The following MAB21L3 variants were observed in gnomAD, a reference collection of about 807,000 sequenced individuals.
MAB21L3 encodes protein mab-21-like 3.
In MAB21L3, 36 loss-of-function variants were observed where a neutral mutation model predicts 37.7. That is an observed-to-expected ratio of 0.96 (90% CI 0.73 to 1.26). The LOEUF (loss-of-function observed/expected upper bound fraction) is 1.26, where lower values mean the gene tolerates loss of function less well. Ranked by LOEUF, MAB21L3 falls within the 50% of genes most tolerant of loss-of-function variation. The pLI, the probability that MAB21L3 is intolerant of heterozygous loss-of-function variation, is 0.00. For missense variants in MAB21L3, 430 were observed against 447.3 expected (o/e 0.96, Z 0.35); for synonymous variants, 186 against 176.8 (o/e 1.05, Z -0.41).
intron 5 of MAB21L3, among the ~76,000 whole-genome samples, chr1:116,126,300 T>C (rs1161835700): frequency 1.3e-5 from 2 of 152,092 alleles, no homozygotes; most frequent in African/African-American, 4.8e-5. Flanking sequence ...AAGGAGCAAA[T>C]TGGAAATGAG....
intron 1 of MAB21L3, among the ~76,000 whole-genome samples, 43 bp from the exon 2 acceptor site, chr1:116,111,586 A>G (rs1316954481): frequency 6.6e-6 from 1 of 151,250 alleles, no homozygotes; most frequent in Non-Finnish European, 1.5e-5. Flanking sequence ...TACCAGCTTC[A>G]AGGAGATCAG....
chr1:116,128,516 T>C (rs113171862), intron 7 of MAB21L3, among the ~76,000 whole-genome samples, 177 bp downstream of exon 7: 27 of 152,266 alleles, frequency 1.8e-4, no homozygotes, highest in African/African-American at 6.3e-4. Flanking sequence ...ATTATGGAAA[T>C]ATGTAAACTA....
intron 3 of MAB21L3, among the ~76,000 whole-genome samples, chr1:116,119,316 G>A (rs1280623544): frequency 6.6e-6 from 1 of 152,158 alleles, no homozygotes; most frequent in African/African-American, 2.4e-5. Context: ...GACCCTATAT[G>A]TGATATACAA....
chr1:116,123,992 G>C (rs1353487517), intron 4 of MAB21L3, 74 bp from the exon 5 acceptor site: 1 of 1,484,122 alleles, frequency 6.7e-7, no homozygotes, highest in African/African-American at 1.4e-5. Context: ...GACGAGACAG[G>C]TTGGTTCCCA....
chr1:116,113,645 G>A (rs1659491238), intron 3 of MAB21L3, among the ~76,000 whole-genome samples: 1 of 152,198 alleles, frequency 6.6e-6, no homozygotes. Context: ...AATCCAGTGT[G>A]TGCTCATGTT....
intron 7 of MAB21L3, among the ~76,000 whole-genome samples, chr1:116,132,296 CAAGGAGTAA>C (rs1180457443): frequency 6.6e-6 from 1 of 152,002 alleles, no homozygotes. Flanking sequence ...AAAGGCAGGC[CAAGGAGTAA>C]AAGCCTGCCA....
At position 116,133,279 on chromosome 1, in the gene MAB21L3, T is replaced by C; in HGVS notation, c.1003T>C (p.Phe335Leu). 1 of 1,614,202 alleles carries C rather than the reference T, an allele frequency of 6.2e-7. No individual in the cohort carries two copies. Among genetic ancestry groups the C allele is most frequent in the African/African-American group, 1.3e-5 (1 of 75,052 alleles). Residue 335 changes from phenylalanine (F) to leucine (L), a missense_variant, in exon 8 of 8, where the codon TTT becomes CTT. Transcript: ENST00000369500. Reference protein sequence around the residue: ...KHYFVRNSNLFQCTNPTELDT... With the variant: ...KHYFVRNSNLLQCTNPTELDT... ...CTATTTCGTCCGGAACAGCAACCTC[T>C]TTCAGTGCACCAACCCGACTGAACT...
At position 116,124,221 on chromosome 1, in the gene MAB21L3, G is replaced by A; in HGVS notation, c.345G>A (p.Glu115=). The A allele has an allele frequency of 6.2e-7, 1 of 1,614,226 alleles. No individual in the cohort carries two copies. Among genetic ancestry groups the A allele is most frequent in the Non-Finnish European group, 8.5e-7 (1 of 1,180,036 alleles). ...CTGAGGGTCTGCAGCAGTGGCTGGAGGTGGAACAGTTTATGAAGAGCCTGT... is the reference window on the plus strand; with the variant it reads ...CTGAGGGTCTGCAGCAGTGGCTGGAAGTGGAACAGTTTATGAAGAGCCTGT... ...RDPEGLQQWL[E]VEQFMKSLWQ... The change falls in exon 5 of 8, where the codon GAG becomes GAA. Residue 115 remains glutamate, a synonymous_variant. Coordinates refer to ENST00000369500, the MANE Select transcript of MAB21L3 (RefSeq NM_152367.3).
chr1:116,131,699 A>C (rs1217716061), intron 7 of MAB21L3, among the ~76,000 whole-genome samples: 1 of 152,120 alleles, frequency 6.6e-6, no homozygotes, highest in Non-Finnish European at 1.5e-5. Flanking sequence ...TATTTTTAGT[A>C]GAGATGGGGT....
intron 3 of MAB21L3, among the ~76,000 whole-genome samples, chr1:116,115,016 G>A (rs558217147): frequency 2.6e-5 from 4 of 152,334 alleles, no homozygotes; most frequent in Non-Finnish European, 4.4e-5. Flanking sequence ...GAACAGGGCA[G>A]TGGTTACAAA....
chr1:116,116,668 A>T (rs1431139490), intron 3 of MAB21L3, among the ~76,000 whole-genome samples: 1 of 152,178 alleles, frequency 6.6e-6, no homozygotes. Context: ...ATGTTAGGAA[A>T]GCTGCCTTGT....
chr1:116,122,067 C>T (rs1659766596), intron 4 of MAB21L3, among the ~76,000 whole-genome samples: 1 of 152,128 alleles, frequency 6.6e-6, no homozygotes, highest in South Asian at 2.1e-4. Flanking sequence ...TGGTATGTGG[C>T]ACATGGTAGA....
At chr1:116,130,281 C>T (rs1660035299) in intron 7 of MAB21L3, among the ~76,000 whole-genome samples, 1 of 152,220 alleles carries the variant, frequency 6.6e-6, no homozygotes, top group African/African-American at 2.4e-5. Context: ...TCCTAAGTCA[C>T]CTGGTGGATT....
rs12567623 is a variant in MAB21L3, at chr1:116,138,121, G to T, written c.*4756G>T. Among the ~76,000 whole-genome samples, 1 of 150,930 alleles carries T rather than the reference G, an allele frequency of 6.6e-6. No homozygotes were observed. The highest frequency in any genetic ancestry group is 1.5e-5 in the Non-Finnish European group (1 of 67,664). On this transcript the variant is annotated 3_prime_UTR_variant, in exon 8 of 8. Coordinates refer to ENST00000369500, the MANE Select transcript of MAB21L3 (RefSeq NM_152367.3). Reference sequence around the variant, plus strand: ...ACATGTACCCTAAAACTTAAAGTATGATTAAAAAAAAAAAGTACTGTAACC... The same window carrying T: ...ACATGTACCCTAAAACTTAAAGTATTATTAAAAAAAAAAAGTACTGTAACC...
chr1:116,123,210 G>C (rs927229566), intron 4 of MAB21L3, among the ~76,000 whole-genome samples: 1 of 152,162 alleles, frequency 6.6e-6, no homozygotes, highest in East Asian at 1.9e-4. Flanking sequence ...CTCGGCTGCC[G>C]GTCTGCCTGC....
Position 116,121,036 on chromosome 1 carries a change from T to G in MAB21L3, c.153T>G (p.Ala51=). 1 of 1,614,158 alleles carries G rather than the reference T, an allele frequency of 6.2e-7. No homozygotes were observed. The highest frequency in any genetic ancestry group is 8.5e-7 in the Non-Finnish European group (1 of 1,179,988). The change falls in exon 4 of 8, where the codon GCT becomes GCG. Residue 51 remains alanine (A), a synonymous_variant. Transcript: ENST00000369500. ...GCAACCAAGACATTAGATTTCAAGC[T>G]GTGCCTTACTCTGACACGTACAATG... is the stretch of plus-strand genomic sequence containing the variant. ...NISNQDIRFQ[A]VPYSDTYNEN...
At chr1:116,127,394 A>C (rs1659937936) in intron 5 of MAB21L3, 72 bp from the exon 6 acceptor site, 2 of 1,497,262 alleles carry the variant, frequency 1.3e-6, no homozygotes, top group Admixed American at 1.9e-5. Flanking sequence ...ACTGCTCACA[A>C]ATTTCTTGTT....
At position 116,112,484 on chromosome 1, in the gene MAB21L3, C is replaced by A; in HGVS notation, c.-132C>A. 1 of 721,738 alleles carries A rather than the reference C, an allele frequency of 1.4e-6. No homozygotes were observed. The highest frequency in any genetic ancestry group is 2.4e-6 in the Non-Finnish European group (1 of 425,494). The allele number at this position is 721,738 out of a possible 1,614,324, so 44.7% of individuals were successfully genotyped here. A position where few individuals can be genotyped will look rare whatever the true frequency, so the allele number is the denominator to read the frequency against. On this transcript the variant is annotated 5_prime_UTR_variant, in exon 3 of 8. Coordinates refer to ENST00000369500, the MANE Select transcript of MAB21L3 (RefSeq NM_152367.3). Reference sequence around the variant, plus strand: ...GAAGGCAAGTCTCTGGTCCATTACACACTTCCAGAAAAACTTAGTACCCAG... The same window carrying A: ...GAAGGCAAGTCTCTGGTCCATTACAAACTTCCAGAAAAACTTAGTACCCAG...
chr1:116,112,677 C>G lies in MAB21L3; in HGVS notation c.48+14C>G, dbSNP rs571012331. On this transcript the variant is annotated intron_variant, in intron 3 of 7. Transcript: ENST00000369500. ...CTACTGAATAAGGTAAGGACAGACC[C>G]GGTCTCTCCCATGAACCCCCTCCCC... The G allele has an allele frequency of 4.3e-6, 7 of 1,613,458 alleles. No individual in the cohort carries two copies. Among genetic ancestry groups the G allele is most frequent in the South Asian group, 1.1e-5 (1 of 91,056 alleles).
Sources: allele counts gnomAD v4.1 joint callset (sites outside exome capture counted in the v4.1 genomes callset), GRCh38; gene constraint gnomAD v4.1.1; transcripts MANE v1.5; gene names NCBI Gene and HGNC (gene_info 2026-07-23, HGNC 2026-07-21).